MRTFB: variants seen among roughly 807,000 people sequenced by gnomAD.
The protein encoded by MRTFB is myocardin related transcription factor B.
In MRTFB, 29 loss-of-function variants were observed where a neutral mutation model predicts 104.2. That is an observed-to-expected ratio of 0.28 (90% CI 0.21 to 0.38). The LOEUF is 0.38. Among genes scored for constraint, MRTFB ranks in the 10% least tolerant of loss-of-function variants. The pLI is 1.00. For synonymous variants in MRTFB, 535 were observed against 519.5 expected, an observed-to-expected ratio of 1.03 and a Z score of -0.41; for missense variants, 1,270 against 1,341.6, an observed-to-expected ratio of 0.95 and a Z score of 0.83.
Position 14,240,480 on chromosome 16 carries a change from T to G in MRTFB, c.1075T>G (p.Phe359Val), listed in dbSNP as rs754338655. ...YNYQTILPAP[F>V]KPLNDKNSNS... ...CTACCAGACCATCCTGCCTGCACCATTCAAGTACGGCGGGGCCCATGCTAT... is the reference window on the plus strand; with the variant it reads ...CTACCAGACCATCCTGCCTGCACCAGTCAAGTACGGCGGGGCCCATGCTAT... The change falls in exon 10 of 17, where the codon TTC becomes GTC. Residue 359 changes from phenylalanine to valine, a missense_variant. By Grantham distance (50) the Phe-to-Val change is conservative. This residue lies in a region of MRTFB where 1,144 missense variants were observed against 1,131.5 expected (regional missense o/e 1.01). Coordinates refer to ENST00000571589, the MANE Select transcript of MRTFB (RefSeq NM_001308142.2). 3.7e-6 allele frequency: 6 copies of G among 1,614,116 alleles called. No individual in the cohort carries two copies. Among genetic ancestry groups the G allele is most frequent in the Non-Finnish European group, 4.2e-6 (5 of 1,180,048 alleles).
At chr16:14,227,300 AAG>A (rs2042050373) in intron 8 of MRTFB, among the ~76,000 whole-genome samples, 1 of 151,566 alleles carries the variant, frequency 6.6e-6, no homozygotes, top group Non-Finnish European at 1.5e-5. Context: ...ACAAAACAAA[AAG>A]AAAGAAAGAA....
intron 2 of MRTFB, among the ~76,000 whole-genome samples, chr16:14,107,110 C>T (rs928966739): frequency 1.3e-5 from 2 of 151,936 alleles, no homozygotes; most frequent in Non-Finnish European, 2.9e-5. Flanking sequence ...GTGGCACATG[C>T]CAGTAATCTC....
At chr16:14,095,729 A>C (rs551625504) in intron 2 of MRTFB, among the ~76,000 whole-genome samples, 25 of 152,310 alleles carry the variant, frequency 1.6e-4, no homozygotes, top group African/African-American at 5.8e-4. Context: ...TTACCATTTT[A>C]CCCAAAACAG....
In MRTFB at chr16:14,262,822, T is replaced by C. The variant is rs2043820977; in HGVS notation, c.*1378T>C. Reference sequence around the variant, plus strand: ...AAAACTGAAATCTACCAAAAGAGCATGGAGATTTTTCTTAAATAATAATAT... The same window carrying C: ...AAAACTGAAATCTACCAAAAGAGCACGGAGATTTTTCTTAAATAATAATAT... On this transcript the variant is annotated 3_prime_UTR_variant, in exon 17 of 17. Coordinates refer to ENST00000571589, the MANE Select transcript of MRTFB (RefSeq NM_001308142.2). The C allele has an allele frequency of 6.6e-6, 1 of 152,166 alleles. No homozygotes were observed. 9.4% of individuals were successfully genotyped at this position (152,166 alleles called of 1,614,324 possible). A position where few individuals can be genotyped will look rare whatever the true frequency, so the allele number is the denominator to read the frequency against.
At position 14,185,185 on chromosome 16, in the gene MRTFB, T is replaced by C. The variant is rs868048089; in HGVS notation, c.155-25058T>C. Among the ~76,000 whole-genome samples, 15 of 152,210 alleles carry C rather than the reference T, an allele frequency of 9.9e-5. No homozygotes were observed. The South Asian group carries it at 3.1e-3, about 32-fold the overall frequency. ...CTGCAGAGGTTTGGACTGCCGAGGATGGACTTAAATTGCTTCAGAAGGAAT... is the reference window on the plus strand; with the variant it reads ...CTGCAGAGGTTTGGACTGCCGAGGACGGACTTAAATTGCTTCAGAAGGAAT... On this transcript the variant is annotated intron_variant, in intron 3 of 16. Coordinates refer to ENST00000571589, the MANE Select transcript of MRTFB (RefSeq NM_001308142.2).
chr16:14,240,840 G>A, intron 10 of MRTFB: 1 of 663,414 alleles, frequency 1.5e-6, no homozygotes, highest in African/African-American at 1.8e-5. Context: ...AGAGAAGGAT[G>A]GGCATGAAAG....
intron 2 of MRTFB, among the ~76,000 whole-genome samples, chr16:14,122,468 T>A (rs888470091): frequency 3.3e-5 from 5 of 152,128 alleles, no homozygotes; most frequent in African/African-American, 1.2e-4. Context: ...TGGTGTGTGA[T>A]GTTTCCCTCC....
At chr16:14,242,950 C>T (rs2042838886) in intron 10 of MRTFB, among the ~76,000 whole-genome samples, 1 of 151,888 alleles carries the variant, frequency 6.6e-6, no homozygotes, top group African/African-American at 2.4e-5. Context: ...GGTGGCTCAG[C>T]AGGGAGACTA....
intron 3 of MRTFB, among the ~76,000 whole-genome samples, chr16:14,150,300 G>A (rs1402456490): frequency 1.3e-5 from 2 of 152,144 alleles, no homozygotes; most frequent in Non-Finnish European, 2.9e-5. Context: ...CACATAATTA[G>A]CACTTTATTA....
chr16:14,075,348 C>A (rs906146887), intron 1 of MRTFB, among the ~76,000 whole-genome samples: 7 of 152,238 alleles, frequency 4.6e-5, no homozygotes, highest in African/African-American at 9.6e-5. Context: ...ACCATCAGCA[C>A]GTCAGCAGCA....
At chr16:14,017,679 G>A in the MRTFB span, among the ~76,000 whole-genome samples, 7 of 12,416 alleles carry the variant, frequency 5.6e-4, no homozygotes, top group Non-Finnish European at 1.9e-3. Context: ...GTGTGTGTGT[G>A]TGTGTGTGTA....
At chr16:14,152,342 T>TATACATATATCATATGTTTTACAATGAC in intron 3 of MRTFB, 1 of 151,934 alleles carries the variant, frequency 6.6e-6, no homozygotes, top group Admixed American at 6.6e-5. Context: ...ATACATATGA[T>TATACATATATCATATGTTTTACAATGAC]ATACATATAT....
intron 3 of MRTFB, among the ~76,000 whole-genome samples, chr16:14,164,928 G>GA (rs370746479): frequency 5.6e-5 from 8 of 143,988 alleles, no homozygotes; most frequent in African/African-American, 1.5e-4. Context: ...GTAGAAGAAG[G>GA]AAAAAAAAAG....
chr16:14,025,313 T>C, the MRTFB span, among the ~76,000 whole-genome samples: 2 of 152,226 alleles, frequency 1.3e-5, no homozygotes, highest in East Asian at 3.8e-4. Context: ...CCCAAGTAGC[T>C]GGGACAATAG....
intron 2 of MRTFB, among the ~76,000 whole-genome samples, chr16:14,097,815 A>ATAAG (rs1395180596): frequency 6.6e-6 from 1 of 152,198 alleles, no homozygotes; most frequent in Non-Finnish European, 1.5e-5. Flanking sequence ...AGGGTTTTGT[A>ATAAG]TAAGTGGAAT....
At chr16:14,004,889 C>T in the MRTFB span, among the ~76,000 whole-genome samples, 1 of 152,242 alleles carries the variant, frequency 6.6e-6, no homozygotes. Flanking sequence ...AACCAGCTCC[C>T]ATCTGTCCAC....
At chr16:14,186,681 T>A in intron 3 of MRTFB, 2 of 1,311,604 alleles carry the variant, frequency 1.5e-6, no homozygotes, top group South Asian at 3.5e-5. Context: ...TGCCTCCCGA[T>A]GTGGGAGAGA....
At chr16:14,195,047 G>T (rs937368694) in intron 3 of MRTFB, among the ~76,000 whole-genome samples, 1 of 152,152 alleles carries the variant, frequency 6.6e-6, no homozygotes, top group African/African-American at 2.4e-5. Flanking sequence ...TTCTGAGGAG[G>T]TGCAAGTATC....
chr16:14,199,251 T>G (rs1393473338), intron 3 of MRTFB, among the ~76,000 whole-genome samples: 5 of 152,204 alleles, frequency 3.3e-5, no homozygotes, highest in South Asian at 2.1e-4. Context: ...TCCTCTGCCT[T>G]CCTTTGTTGG....
Sources: allele counts gnomAD v4.1 joint callset (sites outside exome capture counted in the v4.1 genomes callset), GRCh38; gene constraint gnomAD v4.1.1; regional missense constraint gnomAD v4.1.1; transcripts MANE v1.5; gene names NCBI Gene and HGNC (gene_info 2026-07-23, HGNC 2026-07-21).